NR5A2: variants seen among roughly 807,000 people sequenced by gnomAD.
The protein encoded by NR5A2 is nuclear receptor subfamily 5 group A member 2, also known as CYP7A promoter-binding factor.
In NR5A2, 26 loss-of-function variants were observed where a neutral mutation model predicts 62.7. That is an observed-to-expected ratio of 0.41 (90% CI 0.30 to 0.58). The LOEUF (loss-of-function observed/expected upper bound fraction) is 0.58, where lower values mean the gene tolerates loss of function less well. Among genes scored for constraint, NR5A2 ranks in the 20% least tolerant of loss-of-function variants. The pLI is 0.22. For synonymous variants in NR5A2, 246 were observed against 241.7 expected, an observed-to-expected ratio of 1.02 and a Z score of -0.16; for missense variants, 541 against 669.1, an observed-to-expected ratio of 0.81 and a Z score of 2.11.
At chr1:200,086,664 C>T (rs1664543031) in intron 5 of NR5A2, among the ~76,000 whole-genome samples, 1 of 152,178 alleles carries the variant, frequency 6.6e-6, no homozygotes, top group Admixed American at 6.5e-5. Flanking sequence ...ATGTTGAGTG[C>T]AGTGATAGAA....
intron 5 of NR5A2, among the ~76,000 whole-genome samples, chr1:200,088,666 C>T (rs1000040639): frequency 1.3e-5 from 2 of 152,274 alleles, no homozygotes; most frequent in East Asian, 1.9e-4. Flanking sequence ...CATGGGTCTC[C>T]CTGTCTGTCA....
intron 5 of NR5A2, among the ~76,000 whole-genome samples, chr1:200,103,308 A>G (rs963461816): frequency 2.6e-5 from 4 of 151,930 alleles, no homozygotes; most frequent in Non-Finnish European, 4.4e-5. Flanking sequence ...TATTTTTGGT[A>G]GAGAGGGGAT....
intron 1 of NR5A2, chr1:200,029,130 G>A (rs576632931): frequency 5.0e-5 from 22 of 439,990 alleles, no homozygotes; most frequent in African/African-American, 3.5e-4. Flanking sequence ...GCGCAGGCAA[G>A]GAGTCCTTCC....
At chr1:200,132,027 T>C in intron 7 of NR5A2, among the ~76,000 whole-genome samples, 1 of 152,132 alleles carries the variant, frequency 6.6e-6, no homozygotes, top group Non-Finnish European at 1.5e-5. Flanking sequence ...GTCTTTTTTT[T>C]GTTTGAGATG....
At chr1:200,034,815 A>T (rs775187076) in intron 1 of NR5A2, among the ~76,000 whole-genome samples, 171 of 82,860 alleles carry the variant, frequency 2.1e-3, no homozygotes, top group Non-Finnish European at 3.0e-3. Flanking sequence ...TTTTTTTTTT[A>T]AACAAGGCAC....
chr1:200,064,007 G>T (rs1334893932), intron 5 of NR5A2, among the ~76,000 whole-genome samples: 1 of 152,058 alleles, frequency 6.6e-6, no homozygotes, highest in African/African-American at 2.4e-5. Flanking sequence ...AAAGTAGCTG[G>T]GTATGGTGGC....
In NR5A2 at chr1:200,039,429, A is replaced by T. The variant is rs1247373143; in HGVS notation, c.65-229A>T. On this transcript the variant is annotated intron_variant, in intron 1 of 7. Coordinates refer to ENST00000367362, the MANE Select transcript of NR5A2 (RefSeq NM_205860.3). This position sits in a 1 kb window ranked among gnomAD's most constrained non-coding sequence, Gnocchi z 5.1. ...GCCTGCGCCCTTGCGGAGCCGAACC[A>T]GAGGGCCGGGACGCTGTCTTCCTCG... Among the ~76,000 whole-genome samples the T allele has an allele frequency of 1.3e-5, 2 of 151,994 alleles. No individual in the cohort carries two copies. Among genetic ancestry groups the T allele is most frequent in the Non-Finnish European group, 1.5e-5 (1 of 67,968 alleles).
chr1:200,099,199 C>G (rs898735221), intron 5 of NR5A2, among the ~76,000 whole-genome samples: 10 of 152,198 alleles, frequency 6.6e-5, no homozygotes, highest in Admixed American at 2.6e-4. Context: ...TTAGGGACCT[C>G]TCCTTTACCT....
intron 7 of NR5A2, among the ~76,000 whole-genome samples, chr1:200,144,221 TCTCTCTCTCTCTCACACA>T (rs1361921543): frequency 3.3e-4 from 13 of 39,110 alleles, no homozygotes; most frequent in South Asian, 1.6e-3. Flanking sequence ...TGTTTCTCTC[TCTCTCTCTCTCTCACACA>T]CACACACACA....
Position 200,048,564 on chromosome 1 carries a change from G to A in NR5A2, c.856G>A (p.Gly286Ser), listed in dbSNP as rs1662485862. The A allele has an allele frequency of 6.2e-7, 1 of 1,614,092 alleles. No individual in the cohort carries two copies. Reference sequence around the variant, plus strand: ...TACCAGCTCACCCGAGTCCATAATGGGCTATTCATATATGGATAGTTACCA... The same window carrying A: ...TACCAGCTCACCCGAGTCCATAATGAGCTATTCATATATGGATAGTTACCA... ...PYTSSPESIM[G>S]YSYMDSYQTS... is the part of the protein sequence containing the mutation. The change falls in exon 5 of 8, where the codon GGC becomes AGC. Residue 286 changes from glycine to serine, a missense_variant. Physicochemically the swap from Gly to Ser is moderately conservative, Grantham distance 56. Around this residue, in one of 3 missense-constraint regions of NR5A2, gnomAD observed 379 missense variants for 442.0 expected, o/e 0.86. Coordinates refer to ENST00000367362, the MANE Select transcript of NR5A2 (RefSeq NM_205860.3). The surrounding 1 kb of genome is among the most constrained non-coding windows in gnomAD (Gnocchi z 4.8).
At chr1:200,150,780 T>G (rs1571561801) in intron 7 of NR5A2, among the ~76,000 whole-genome samples, 1 of 152,338 alleles carries the variant, frequency 6.6e-6, no homozygotes, top group East Asian at 1.9e-4. Flanking sequence ...CCAGGCATTT[T>G]CCAACCATGT....
chr1:200,044,629 C>G (rs929859630), intron 3 of NR5A2: 1 of 151,866 alleles, frequency 6.6e-6, no homozygotes, highest in Admixed American at 6.5e-5. Flanking sequence ...AAGTGGAAAA[C>G]TCAGTACAAT....
Position 200,039,808 on chromosome 1 carries a change from C to G in NR5A2, c.202+13C>G. ...GAAAACATGCAAGGTAAGGAGGCGC[C>G]GCGCGGCGCTCCGGCTCCCGCTGCT... On this transcript the variant is annotated intron_variant, in intron 2 of 7. Transcript: ENST00000367362. This position sits in a 1 kb window ranked among gnomAD's most constrained non-coding sequence, Gnocchi z 5.1. 3 of 1,588,186 alleles carry G rather than the reference C, an allele frequency of 1.9e-6. No individual in the cohort carries two copies. The highest frequency in any genetic ancestry group is 2.6e-6 in the Non-Finnish European group (3 of 1,169,676).
rs535827114 is a variant in NR5A2, at chr1:200,142,188, C to CTTT, written c.1378+21260_1378+21262dup. Among the ~76,000 whole-genome samples the CTTT allele has an allele frequency of 3.4e-4, 19 of 55,410 alleles. 1 individual carries two copies. The highest frequency in any genetic ancestry group is 1.2e-3 in the African/African-American group (18 of 15,282). 36.4% of individuals were successfully genotyped at this position (55,410 alleles called of 152,430 possible). ...TAATTGTTTTTTGTTTTAAAGACTTCTTTTTTTTTTTTTTTTTTTTTTTTT... is the reference window on the plus strand; with the variant it reads ...TAATTGTTTTTTGTTTTAAAGACTTCTTTTTTTTTTTTTTTTTTTTTTTTTTTT... On this transcript the variant is annotated intron_variant, in intron 7 of 7. Transcript: ENST00000367362.
intron 7 of NR5A2, among the ~76,000 whole-genome samples, chr1:200,123,084 C>A (rs1333376075): frequency 6.6e-6 from 1 of 152,154 alleles, no homozygotes; most frequent in Non-Finnish European, 1.5e-5. Flanking sequence ...TAAGCTGGTA[C>A]CTGCTGTCCC....
chr1:200,168,210 C>CTTTT (rs1164744059), intron 7 of NR5A2, among the ~76,000 whole-genome samples: 2 of 141,168 alleles, frequency 1.4e-5, no homozygotes, highest in South Asian at 2.2e-4. Flanking sequence ...TTTATATCTA[C>CTTTT]TTTTTTTTTT....
chr1:200,107,502 A>C (rs2102285806), intron 5 of NR5A2, among the ~76,000 whole-genome samples: 1 of 150,332 alleles, frequency 6.7e-6, no homozygotes, highest in African/African-American at 2.4e-5. Context: ...ACAAAAATGA[A>C]GTACTAATTA....
intron 7 of NR5A2, among the ~76,000 whole-genome samples, chr1:200,143,056 T>C (rs549139538): frequency 6.6e-6 from 1 of 152,356 alleles, no homozygotes; most frequent in South Asian, 2.1e-4. Context: ...TGTGTGTGTG[T>C]GTGTGGTTTT....
At chr1:200,150,247 G>T (rs1653005504) in intron 7 of NR5A2, among the ~76,000 whole-genome samples, 2 of 152,180 alleles carry the variant, frequency 1.3e-5, no homozygotes, top group Non-Finnish European at 2.9e-5. Context: ...GTCATCCTTG[G>T]TAGACATTTA....
Sources: gnomAD v4.1 joint callset for allele counts (sites outside exome capture counted in the v4.1 genomes callset) on GRCh38, gnomAD v4.1.1 for gene constraint, gnomAD v4.1.1 regional missense constraint, Gnocchi (gnomAD v3.1) non-coding constraint, MANE v1.5 for transcripts, NCBI Gene and HGNC (gene_info 2026-07-23, HGNC 2026-07-21) for gene names.